PIP4K2A: variants seen among roughly 807,000 people sequenced by gnomAD.
PIP4K2A encodes the protein phosphatidylinositol 5-phosphate 4-kinase type-2 alpha.
A neutral mutation model predicts 42.9 loss-of-function variants in PIP4K2A; 14 were observed. The ratio of observed to expected loss-of-function variants is 0.33; its 90% CI spans 0.22 to 0.51. The LOEUF (loss-of-function observed/expected upper bound fraction) is 0.51, where lower values mean the gene tolerates loss of function less well. Ranked by LOEUF, PIP4K2A falls within the 20% of genes least tolerant of loss-of-function variation. The probability of loss-of-function intolerance (pLI) is 0.97; values close to 1 mark genes in which losing one functional copy is unlikely to be tolerated. For missense variants in PIP4K2A, 434 were observed against 519.8 expected (o/e 0.83, Z 1.61); for synonymous variants, 192 against 192.2 (o/e 1.00, Z 0.01).
chr10:22,552,298 T>A (rs1836430297), intron 6 of PIP4K2A, among the ~76,000 whole-genome samples: 1 of 152,170 alleles, frequency 6.6e-6, no homozygotes, highest in Non-Finnish European at 1.5e-5. Flanking sequence ...GATGTAAAGA[T>A]AAATACTAAG....
intron 1 of PIP4K2A, among the ~76,000 whole-genome samples, chr10:22,712,041 A>C (rs1833919809): frequency 6.6e-6 from 1 of 152,218 alleles, no homozygotes; most frequent in South Asian, 2.1e-4. Context: ...TATGTGCCCA[A>C]TATATATCTG....
At chr10:22,564,658 C>T (rs1285733806) in intron 6 of PIP4K2A, among the ~76,000 whole-genome samples, 6 of 152,244 alleles carry the variant, frequency 3.9e-5, no homozygotes, top group African/African-American at 1.4e-4. Flanking sequence ...GTCACTGTTT[C>T]TGCCTCTTCT....
At chr10:22,580,940 G>A (rs952174299) in intron 4 of PIP4K2A, among the ~76,000 whole-genome samples, 8 of 152,318 alleles carry the variant, frequency 5.3e-5, no homozygotes, top group South Asian at 2.1e-4. Flanking sequence ...GAATGGATGA[G>A]TCTGCCAACT....
intron 1 of PIP4K2A, among the ~76,000 whole-genome samples, chr10:22,660,123 C>T (rs117666707): frequency 0.01 from 1,570 of 152,246 alleles, 16 homozygotes; most frequent in Non-Finnish European, 0.016. Context: ...CTTCCCCCTA[C>T]ATCCCCAGCA....
At chr10:22,540,850 C>T (rs927960646) in intron 8 of PIP4K2A, among the ~76,000 whole-genome samples, 7 of 152,286 alleles carry the variant, frequency 4.6e-5, no homozygotes, top group African/African-American at 1.4e-4. Context: ...CCACTGCGCC[C>T]GGCCCGTGTC....
intron 1 of PIP4K2A, among the ~76,000 whole-genome samples, chr10:22,633,630 C>T (rs887720642): frequency 6.6e-6 from 1 of 152,100 alleles, no homozygotes; most frequent in Non-Finnish European, 1.5e-5. Flanking sequence ...CAAAGGGATC[C>T]GAGACATGGC....
At chr10:22,568,979 T>C (rs1221105218) in intron 5 of PIP4K2A, 3 of 1,497,602 alleles carry the variant, frequency 2.0e-6, no homozygotes, top group African/African-American at 1.4e-5. Context: ...TTGCCCTGGG[T>C]TACTTGAGTT....
rs374324575 is a variant in PIP4K2A, at chr10:22,661,349, C to CTTT, written c.145-51635_145-51633dup. The stretch of plus-strand genomic sequence containing the variant: ...TACCTATCTGTGAGGATGATGCTGC[C>CTTT]TTTTTTTTTTTTTTTTTTTTTTTAA... On this transcript the variant is annotated intron_variant, in intron 1 of 9. Coordinates refer to ENST00000376573, the MANE Select transcript of PIP4K2A (RefSeq NM_005028.5). Among the ~76,000 whole-genome samples the CTTT allele has an allele frequency of 4.2e-3, 422 of 99,760 alleles. 8 individuals carry two copies. The highest frequency in any genetic ancestry group is 6.2e-3 in the South Asian group (17 of 2,728). 65.4% of individuals were successfully genotyped at this position (99,760 alleles called of 152,430 possible). A position where few individuals can be genotyped will look rare whatever the true frequency, so the allele number is the denominator to read the frequency against.
intron 6 of PIP4K2A, among the ~76,000 whole-genome samples, chr10:22,553,129 T>C (rs1029037541): frequency 1.3e-5 from 2 of 151,922 alleles, no homozygotes; most frequent in African/African-American, 4.8e-5. Flanking sequence ...GGCACTAGGG[T>C]CGTATTTAGA....
At chr10:22,602,357 G>A (rs1017312414) in intron 3 of PIP4K2A, among the ~76,000 whole-genome samples, 26 of 146,642 alleles carry the variant, frequency 1.8e-4, no homozygotes, top group Non-Finnish European at 3.3e-4. Flanking sequence ...TTGTGCCACT[G>A]TACTCCAGCC....
chr10:22,653,018 C>A (rs940899563), intron 1 of PIP4K2A, among the ~76,000 whole-genome samples: 1 of 151,876 alleles, frequency 6.6e-6, no homozygotes, highest in African/African-American at 2.4e-5. Context: ...GGCTCGAGCC[C>A]GTAAGTTTGA....
chr10:22,632,863 TGTA>T (rs1256842045), intron 1 of PIP4K2A, among the ~76,000 whole-genome samples: 1 of 152,222 alleles, frequency 6.6e-6, no homozygotes, highest in Admixed American at 6.5e-5. Flanking sequence ...ATATCTTACT[TGTA>T]GGAAGCGGTT....
intron 1 of PIP4K2A, among the ~76,000 whole-genome samples, chr10:22,698,479 C>G (rs990852226): frequency 1.3e-5 from 2 of 152,252 alleles, no homozygotes; most frequent in African/African-American, 4.8e-5. Context: ...GGAAATCATC[C>G]TAAATAAGAA....
In PIP4K2A at chr10:22,591,792, G is replaced by A. The variant is rs181745243; in HGVS notation, c.340-11C>T. ...CCTGGTCAGGGAATTCTTCCCGGGT[G>A]GGGTAAGAGGGGAAGGAAGGCGGGG... On this transcript the variant is annotated splice_polypyrimidine_tract_variant and intron_variant, in intron 3 of 9. Coordinates refer to ENST00000376573, the MANE Select transcript of PIP4K2A (RefSeq NM_005028.5). 1.3e-5 allele frequency: 21 copies of A among 1,596,930 alleles called. No individual in the cohort carries two copies. The highest frequency in any genetic ancestry group is 1.7e-5 in the Non-Finnish European group (20 of 1,170,368).
intron 1 of PIP4K2A, among the ~76,000 whole-genome samples, chr10:22,648,056 T>G (rs1030608702): frequency 6.6e-6 from 1 of 152,208 alleles, no homozygotes; most frequent in Non-Finnish European, 1.5e-5. Context: ...GTTCAGACTT[T>G]ATTTCCTTCC....
Position 22,536,433 on chromosome 10 carries a change from A to G in PIP4K2A, c.*768T>C, listed in dbSNP as rs1291562225. ...CGAGGTGAAAAATGTATAGAGAATC[A>G]CTGGGGCATCAGCTGCTTGTTGCGG... is the stretch of plus-strand genomic sequence containing the variant. On this transcript the variant is annotated 3_prime_UTR_variant, in exon 10 of 10. Transcript: ENST00000376573. The G allele has an allele frequency of 4.3e-6, 1 of 233,466 alleles. No individual in the cohort carries two copies. The highest frequency in any genetic ancestry group is 8.2e-6 in the Non-Finnish European group (1 of 122,158). 14.5% of individuals were successfully genotyped at this position (233,466 alleles called of 1,614,324 possible).
rs767180017 is a variant in PIP4K2A at position 22,569,031 on chromosome 10, G to A, written c.640-1142C>T. 3.3e-4 allele frequency: 505 copies of A among 1,535,108 alleles called. 1 individual carries two copies. The highest frequency in any genetic ancestry group is 4.2e-4 in the Non-Finnish European group (485 of 1,146,480). ...AACTTACAGTTGGCTTGGGAAAAGT[G>A]AAAGTGGCTTTTAGATTGGCCATCT... is the stretch of plus-strand genomic sequence containing the variant. On this transcript the variant is annotated intron_variant, in intron 5 of 9. Transcript: ENST00000376573.
chr10:22,649,808 G>C (rs1838955725), intron 1 of PIP4K2A, among the ~76,000 whole-genome samples: 1 of 152,168 alleles, frequency 6.6e-6, no homozygotes, highest in South Asian at 2.1e-4. Context: ...CAGGTGGAAG[G>C]ACCTGCCCCC....
chr10:22,616,232 G>A (rs1223335868), intron 1 of PIP4K2A, among the ~76,000 whole-genome samples: 3 of 152,254 alleles, frequency 2.0e-5, no homozygotes, highest in South Asian at 2.1e-4. Context: ...GGGAGAGGGA[G>A]GAAGCCGGGG....
Sources: allele counts gnomAD v4.1 joint callset (sites outside exome capture counted in the v4.1 genomes callset), GRCh38; gene constraint gnomAD v4.1.1; transcripts MANE v1.5; gene names NCBI Gene and HGNC (gene_info 2026-07-23, HGNC 2026-07-21).